RBFOX1: variants seen among roughly 807,000 people sequenced by gnomAD.
The protein encoded by RBFOX1 is RNA binding protein fox-1 homolog 1.
RBFOX1 carries 8 observed loss-of-function variants against 57.7 expected under a neutral mutation model. That is an observed-to-expected ratio of 0.14 (90% confidence interval 0.08 to 0.25). The LOEUF (loss-of-function observed/expected upper bound fraction) is 0.25. Among genes scored for constraint, RBFOX1 ranks in the 10% least tolerant of loss-of-function variants. RBFOX1 has a pLI of 1.00. For missense variants in RBFOX1, 611 were observed against 548.5 expected, an observed-to-expected ratio of 1.11 and a Z score of -1.14; for synonymous variants, 326 against 222.4, an observed-to-expected ratio of 1.47 and a Z score of -4.15.
At chr16:5,956,246 A>G (rs921226066) in intron 4 of RBFOX1, among the ~76,000 whole-genome samples, 1 of 152,214 alleles carries the variant, frequency 6.6e-6, no homozygotes, top group African/African-American at 2.4e-5. Flanking sequence ...ACTGCACTGC[A>G]TCCTGGGCGA....
intron 4 of RBFOX1, among the ~76,000 whole-genome samples, chr16:7,393,137 G>A (rs1377674321): frequency 6.6e-6 from 1 of 152,154 alleles, no homozygotes; most frequent in Non-Finnish European, 1.5e-5. Context: ...GCCTCCTAAA[G>A]TGGTGGGATT....
At chr16:5,597,337 C>A (rs573145571) in intron 2 of RBFOX1, among the ~76,000 whole-genome samples, 1 of 148,976 alleles carries the variant, frequency 6.7e-6, no homozygotes, top group African/African-American at 2.5e-5. Context: ...TTGAGACACA[C>A]ACGACCCTCT....
intron 14 of RBFOX1, among the ~76,000 whole-genome samples, chr16:7,688,009 CCT>C: frequency 1.3e-5 from 2 of 151,948 alleles, no homozygotes; most frequent in Non-Finnish European, 2.9e-5. Flanking sequence ...AAAAAACAAT[CCT>C]AGCTGAATAT....
rs531008527 is a variant in RBFOX1 at position 6,925,807 on chromosome 16, C to T, written c.-15-126250C>T. On this transcript the variant is annotated intron_variant, in intron 3 of 15. Coordinates refer to ENST00000550418, the MANE Select transcript of RBFOX1 (RefSeq NM_018723.4). Reference sequence around the variant, plus strand: ...TATTTAGAAATAGGAATAAAATAAGCCTGGCGAAATTACCTTTGGTGAGTT... The same window carrying T: ...TATTTAGAAATAGGAATAAAATAAGTCTGGCGAAATTACCTTTGGTGAGTT... Among the ~76,000 whole-genome samples the T allele has an allele frequency of 2.1e-4, 32 of 151,934 alleles. No homozygotes were observed. The East Asian group carries it at 5.8e-3, about 28-fold the overall frequency.
At chr16:5,308,385 G>A (rs1356144675) in intron 1 of RBFOX1, among the ~76,000 whole-genome samples, 1 of 151,778 alleles carries the variant, frequency 6.6e-6, no homozygotes, top group Non-Finnish European at 1.5e-5. Flanking sequence ...CTCCCAAGAG[G>A]CAACAACTTT....
intron 4 of RBFOX1, among the ~76,000 whole-genome samples, chr16:7,370,545 C>G (rs1240897747): frequency 2.0e-5 from 3 of 152,210 alleles, no homozygotes; most frequent in African/African-American, 7.2e-5. Context: ...CTCTTTTTAA[C>G]TCCTCTAAAG....
chr16:7,393,628 A>G (rs924137524), intron 4 of RBFOX1, among the ~76,000 whole-genome samples: 7 of 152,058 alleles, frequency 4.6e-5, no homozygotes, highest in African/African-American at 1.4e-4. Flanking sequence ...TTCAGGGGGA[A>G]ACATAGCCTC....
intron 1 of RBFOX1, among the ~76,000 whole-genome samples, chr16:6,091,705 C>T (rs2096177317): frequency 6.6e-6 from 1 of 152,108 alleles, no homozygotes; most frequent in East Asian, 1.9e-4. Flanking sequence ...TGTCAGGAGC[C>T]TGGAATCCCA....
chr16:6,190,844 C>A (rs2097136849), intron 1 of RBFOX1, among the ~76,000 whole-genome samples: 1 of 152,164 alleles, frequency 6.6e-6, no homozygotes, highest in South Asian at 2.1e-4. Flanking sequence ...TTAGAGCCCA[C>A]ATTTAAACCG....
intron 7 of RBFOX1, among the ~76,000 whole-genome samples, chr16:7,595,113 T>G (rs1421738960): frequency 6.6e-6 from 1 of 152,226 alleles, no homozygotes; most frequent in Non-Finnish European, 1.5e-5. Context: ...TTAGAGGATT[T>G]TGGCATTCAT....
At chr16:6,573,373 G>T (rs2097372608) in intron 2 of RBFOX1, among the ~76,000 whole-genome samples, 1 of 152,146 alleles carries the variant, frequency 6.6e-6, no homozygotes, top group African/African-American at 2.4e-5. Flanking sequence ...TCAGCTCTAA[G>T]AAATTTCTTT....
chr16:7,476,072 C>A (rs996451170), intron 4 of RBFOX1, among the ~76,000 whole-genome samples: 3 of 152,010 alleles, frequency 2.0e-5, no homozygotes, highest in Admixed American at 6.6e-5. Flanking sequence ...CCCAAGTGAT[C>A]CTCCCACCTC....
At chr16:5,834,189 G>C (rs889013856) in intron 3 of RBFOX1, among the ~76,000 whole-genome samples, 1 of 152,134 alleles carries the variant, frequency 6.6e-6, no homozygotes. Context: ...TTTTACAGTG[G>C]TGAAGTCTGA....
intron 4 of RBFOX1, among the ~76,000 whole-genome samples, chr16:7,226,139 G>T (rs1326141453): frequency 6.6e-6 from 1 of 152,064 alleles, no homozygotes; most frequent in Non-Finnish European, 1.5e-5. Context: ...GAGAAAAAGA[G>T]CACCTCCTTT....
intron 4 of RBFOX1, among the ~76,000 whole-genome samples, chr16:7,195,069 T>C (rs1369929669): frequency 2.0e-5 from 3 of 152,260 alleles, no homozygotes; most frequent in Non-Finnish European, 2.9e-5. Flanking sequence ...TAAAAAATTA[T>C]ACTCTCTGAA....
intron 4 of RBFOX1, among the ~76,000 whole-genome samples, chr16:7,070,690 T>A (rs986598047): frequency 6.6e-6 from 1 of 152,222 alleles, no homozygotes; most frequent in Non-Finnish European, 1.5e-5. Context: ...GGAGCACAGC[T>A]TTAGTAATAA....
chr16:6,422,602 A>G (rs1166837287), intron 2 of RBFOX1, among the ~76,000 whole-genome samples: 6 of 152,182 alleles, frequency 3.9e-5, no homozygotes, highest in African/African-American at 1.4e-4. Context: ...GAAGCTTCCA[A>G]TCATGGCAGA....
In RBFOX1 at chr16:6,588,995, T is replaced by A. The variant is rs534875663; in HGVS notation, c.-63-65608T>A. On this transcript the variant is annotated intron_variant, in intron 2 of 15. Transcript: ENST00000550418. ...TCTGTACTTTGATACTACCTAACTA[T>A]CCTTTTTTCCATCATCCCTTCATCA... 2.7e-4 allele frequency among the ~76,000 whole-genome samples: 41 copies of A among 152,252 alleles called. No homozygotes were observed. The South Asian group carries it at 5.4e-3, about 20-fold the overall frequency.
intron 2 of RBFOX1, among the ~76,000 whole-genome samples, chr16:6,414,260 A>C (rs182050339): frequency 6.6e-6 from 1 of 152,360 alleles, no homozygotes; most frequent in East Asian, 1.9e-4. Flanking sequence ...TGATAAGTCA[A>C]GTCACCTAAT....
Sources: gnomAD v4.1 joint callset for allele counts (sites outside exome capture counted in the v4.1 genomes callset) on GRCh38, gnomAD v4.1.1 for gene constraint, MANE v1.5 for transcripts, NCBI Gene and HGNC (gene_info 2026-07-23, HGNC 2026-07-21) for gene names.